The following AGPS variants were observed in gnomAD, a reference collection of about 807,000 sequenced individuals.
AGPS encodes alkylglycerone phosphate synthase.
Under a neutral mutation model 90.7 loss-of-function variants are expected in AGPS, and 26 were observed. The ratio of observed to expected loss-of-function variants is 0.29; its 90% CI spans 0.21 to 0.40. The LOEUF (loss-of-function observed/expected upper bound fraction) is 0.40. Among genes scored for constraint, AGPS ranks in the 10% least tolerant of loss-of-function variants. The pLI, the probability that AGPS is intolerant of heterozygous loss-of-function variation, is 1.00. For missense variants in AGPS, 540 were observed against 816.1 expected, an observed-to-expected ratio of 0.66 and a Z score of 4.12; for synonymous variants, 294 against 285.3, an observed-to-expected ratio of 1.03 and a Z score of -0.31.
intron 9 of AGPS, among the ~76,000 whole-genome samples, chr2:177,467,903 T>C (rs1687502602): frequency 6.6e-6 from 1 of 152,140 alleles, no homozygotes; most frequent in African/African-American, 2.4e-5. Flanking sequence ...TCATTGTTTC[T>C]ACTGCTTCAT....
At chr2:177,461,648 G>A (rs1164042248) in intron 8 of AGPS, among the ~76,000 whole-genome samples, 1 of 151,780 alleles carries the variant, frequency 6.6e-6, no homozygotes, top group Non-Finnish European at 1.5e-5. Context: ...GTCAACCTGT[G>A]AAAAATAGAA....
intron 19 of AGPS, among the ~76,000 whole-genome samples, chr2:177,531,584 A>G (rs899764210): frequency 5.3e-5 from 8 of 152,194 alleles, no homozygotes; most frequent in Non-Finnish European, 1.0e-4. Context: ...AAATTGATCT[A>G]TCTGTTTAGT....
intron 1 of AGPS, among the ~76,000 whole-genome samples, chr2:177,397,968 G>T: frequency 6.6e-6 from 1 of 152,180 alleles, no homozygotes; most frequent in East Asian, 1.9e-4. Context: ...GGAGGCAGAG[G>T]TTGCAGTGAG....
At chr2:177,404,065 T>C (rs1339206620) in intron 1 of AGPS, among the ~76,000 whole-genome samples, 2 of 152,220 alleles carry the variant, frequency 1.3e-5, no homozygotes, top group Admixed American at 1.3e-4. Context: ...GACTTAATTC[T>C]GACAAGTAAT....
chr2:177,425,737 T>C (rs1686063639), intron 2 of AGPS, among the ~76,000 whole-genome samples: 1 of 152,154 alleles, frequency 6.6e-6, no homozygotes, highest in African/African-American at 2.4e-5. Context: ...CTCTATTCTT[T>C]TCCATTGGTC....
At chr2:177,483,018 A>G (rs1258137125) in intron 11 of AGPS, among the ~76,000 whole-genome samples, 1 of 152,012 alleles carries the variant, frequency 6.6e-6, no homozygotes, top group Non-Finnish European at 1.5e-5. Context: ...TACTTCTATT[A>G]GCTATACCCA....
At chr2:177,403,206 C>T (rs189701010) in intron 1 of AGPS, among the ~76,000 whole-genome samples, 1 of 152,152 alleles carries the variant, frequency 6.6e-6, no homozygotes, top group Non-Finnish European at 1.5e-5. Flanking sequence ...ACTGATGTGT[C>T]TTCTATTACT....
At chr2:177,463,612 G>C (rs1687362107) in intron 9 of AGPS, among the ~76,000 whole-genome samples, 1 of 151,926 alleles carries the variant, frequency 6.6e-6, no homozygotes, top group Admixed American at 6.5e-5. Context: ...AAAAACTTTT[G>C]TCTATATTGT....
intron 19 of AGPS, among the ~76,000 whole-genome samples, chr2:177,536,153 A>G (rs2079182295): frequency 6.6e-6 from 1 of 152,166 alleles, no homozygotes; most frequent in Non-Finnish European, 1.5e-5. Flanking sequence ...CTAGAGGTGT[A>G]AAACCAGGCA....
chr2:177,415,888 A>G (rs535386360), intron 1 of AGPS, among the ~76,000 whole-genome samples: 8 of 152,202 alleles, frequency 5.3e-5, no homozygotes, highest in Non-Finnish European at 1.2e-4. Context: ...TGAGTTTTAT[A>G]TCAGGGCAAG....
chr2:177,539,214 T>C lies in AGPS; in HGVS notation c.*1019T>C, dbSNP rs2079210279. The C allele has an allele frequency of 1.3e-5, 2 of 152,086 alleles. No homozygotes were observed. Among genetic ancestry groups the C allele is most frequent in the African/African-American group, 4.8e-5 (2 of 41,454 alleles). The allele number at this position is 152,086 out of a possible 1,614,324, so 9.4% of individuals were successfully genotyped here. On this transcript the variant is annotated 3_prime_UTR_variant, in exon 20 of 20. Coordinates refer to ENST00000264167, the MANE Select transcript of AGPS (RefSeq NM_003659.4). ...AAATTAATCCCAATGGCATGATAAA[T>C]TTTCATATAAAAAGTAAAGTTTCAA... is the stretch of plus-strand genomic sequence containing the variant.
chr2:177,446,303 A>G (rs1319750245), intron 8 of AGPS, among the ~76,000 whole-genome samples: 1 of 151,864 alleles, frequency 6.6e-6, no homozygotes, highest in African/African-American at 2.4e-5. Flanking sequence ...ACAGGCACCC[A>G]CTACCGCGCC....
At chr2:177,523,356 A>G (rs1689253996) in intron 18 of AGPS, among the ~76,000 whole-genome samples, 1 of 152,210 alleles carries the variant, frequency 6.6e-6, no homozygotes, top group South Asian at 2.1e-4. Context: ...CTTTTCTGGT[A>G]CACTTATAGG....
chr2:177,495,426 G>A (rs1322734571), intron 12 of AGPS, among the ~76,000 whole-genome samples: 1 of 152,184 alleles, frequency 6.6e-6, no homozygotes, highest in African/African-American at 2.4e-5. Flanking sequence ...ACGTGGTAGA[G>A]CTAGGGATGA....
intron 2 of AGPS, among the ~76,000 whole-genome samples, chr2:177,430,315 G>A (rs1380918750): frequency 1.3e-5 from 2 of 152,240 alleles, no homozygotes; most frequent in African/African-American, 4.8e-5. Context: ...GCAGAACAAT[G>A]TTGCTTGGAT....
chr2:177,504,115 A>G (rs1688639247), intron 14 of AGPS, among the ~76,000 whole-genome samples: 1 of 151,464 alleles, frequency 6.6e-6, no homozygotes, highest in African/African-American at 2.4e-5. Context: ...ACCTTTTCCT[A>G]CTCCTCACTC....
Position 177,538,407 on chromosome 2 carries a change from AT to A in AGPS, c.*216del. The stretch of plus-strand genomic sequence containing the variant: ...AAATCTCTCTCATTGTAGGTACATC[AT>A]TTTACATTCAGCGGTTGTCATTTCA... On this transcript the variant is annotated 3_prime_UTR_variant, in exon 20 of 20. Coordinates refer to ENST00000264167, the MANE Select transcript of AGPS (RefSeq NM_003659.4). The A allele has an allele frequency of 1.7e-6, 1 of 585,802 alleles. No individual in the cohort carries two copies. The highest frequency in any genetic ancestry group is 2.1e-5 in the South Asian group (1 of 48,264). The allele number at this position is 585,802 out of a possible 1,614,324, so 36.3% of individuals were successfully genotyped here.
intron 2 of AGPS, among the ~76,000 whole-genome samples, chr2:177,420,655 A>G (rs534227643): frequency 2.0e-5 from 3 of 151,826 alleles, no homozygotes; most frequent in Admixed American, 6.6e-5. Context: ...TTATTTAGTT[A>G]TCCAGTTCAT....
intron 10 of AGPS, among the ~76,000 whole-genome samples, chr2:177,478,922 T>G (rs1687864782): frequency 6.6e-6 from 1 of 151,924 alleles, no homozygotes; most frequent in South Asian, 2.1e-4. Context: ...CCCAATTACC[T>G]TTTTACCACA....
Sources: allele counts gnomAD v4.1 joint callset (sites outside exome capture counted in the v4.1 genomes callset), GRCh38; gene constraint gnomAD v4.1.1; transcripts MANE v1.5; gene names NCBI Gene and HGNC (gene_info 2026-07-23, HGNC 2026-07-21).